Variants in RAD51B observed in about 807,000 individuals in gnomAD.
The protein encoded by RAD51B is DNA repair protein RAD51 homolog 2.
In RAD51B, 38 loss-of-function variants were observed where a neutral mutation model predicts 42.2. That is an observed-to-expected ratio of 0.90 (90% CI 0.70 to 1.18). RAD51B has a LOEUF of 1.18. Among genes scored for constraint, RAD51B ranks in the 50% most tolerant of loss-of-function variants. The probability of loss-of-function intolerance (pLI) is 0.00; values close to 1 mark genes in which losing one functional copy is unlikely to be tolerated. For missense variants in RAD51B, 373 were observed against 400.7 expected (o/e 0.93, Z 0.59); for synonymous variants, 154 against 145.2 (o/e 1.06, Z -0.43).
At chr14:68,605,334 T>C (rs61987064) in intron 10 of RAD51B, among the ~76,000 whole-genome samples, 22,599 of 152,246 alleles carry the variant, frequency 0.15, 2,127 homozygotes, top group Non-Finnish European at 0.21. Flanking sequence ...AGCAAGGCCA[T>C]TTTTACTTTC....
Position 68,562,890 on chromosome 14 carries a change from C to T in RAD51B, c.1037-31595C>T, listed in dbSNP as rs1028440007. The T allele has an allele frequency of 1.0e-5, 10 of 985,314 alleles. No individual in the cohort carries two copies. In the African/African-American group the frequency reaches 1.2e-4, roughly 12 times the overall value. 61.0% of individuals were successfully genotyped at this position (985,314 alleles called of 1,614,324 possible). On this transcript the variant is annotated intron_variant, in intron 10 of 10. Coordinates refer to the RAD51B transcript ENST00000487270. ...AGAGGAACTCAGAAACCTCTGGGCA[C>T]CTTCTGGATGGAGCCCATTGCCTCC...
intron 9 of RAD51B, among the ~76,000 whole-genome samples, chr14:68,454,564 C>A (rs551759540): frequency 6.6e-6 from 1 of 152,294 alleles, no homozygotes; most frequent in African/African-American, 2.4e-5. Context: ...TGAAAGCCAG[C>A]ATGGTAGCAG....
At chr14:68,272,587 T>TA (rs1396869284) in intron 7 of RAD51B, among the ~76,000 whole-genome samples, 2 of 133,556 alleles carry the variant, frequency 1.5e-5, no homozygotes, top group Non-Finnish European at 3.1e-5. Context: ...GTTTTCTGTA[T>TA]AAAAAATTGA....
intron 7 of RAD51B, among the ~76,000 whole-genome samples, chr14:68,229,062 G>T (rs1226590448): frequency 6.6e-6 from 1 of 152,104 alleles, no homozygotes; most frequent in Admixed American, 6.5e-5. Context: ...CAGTATTCGT[G>T]GAACAGCTGA....
At chr14:68,403,035 T>C (rs1234297759) in intron 8 of RAD51B, among the ~76,000 whole-genome samples, 2 of 152,208 alleles carry the variant, frequency 1.3e-5, no homozygotes, top group Non-Finnish European at 2.9e-5. Context: ...ATGCATTACA[T>C]GGAATGTGCT....
chr14:68,546,448 T>TAAG (rs1399737728), intron 10 of RAD51B, among the ~76,000 whole-genome samples: 1 of 151,984 alleles, frequency 6.6e-6, no homozygotes, highest in Non-Finnish European at 1.5e-5. Flanking sequence ...TTATGGGAAG[T>TAAG]AAGGGAGCAT....
intron 7 of RAD51B, among the ~76,000 whole-genome samples, chr14:68,157,156 C>A (rs889618830): frequency 9.2e-5 from 14 of 152,084 alleles, no homozygotes; most frequent in African/African-American, 3.4e-4. Flanking sequence ...ATGATTACAC[C>A]ACTGCACTCC....
chr14:67,845,159 A>G lies in RAD51B; in HGVS notation c.315+9963A>G, dbSNP rs2041568341. 2.0e-5 allele frequency among the ~76,000 whole-genome samples: 3 copies of G among 152,200 alleles called. No individual in the cohort carries two copies. In the South Asian group the frequency reaches 6.2e-4, roughly 31 times the overall value. ...ATTGTCATCATGTTGTTAGCCGGTT[A>G]TTATGCAGACTTGTTTGTGTTGTTG... On this transcript the variant is annotated intron_variant, in intron 4 of 10. Transcript: ENST00000471583.
In RAD51B at chr14:68,090,486, T is replaced by G. The variant is rs2077072736; in HGVS notation, c.757-201398T>G. Among the ~76,000 whole-genome samples, 3 of 152,078 alleles carry G rather than the reference T, an allele frequency of 2.0e-5. No individual in the cohort carries two copies. The South Asian group carries it at 6.2e-4, about 32-fold the overall frequency. ...GACTGTATGAGACTTAGGGCCTTGG[T>G]TTGTAGAGAATATTCAGTTATTTAA... is the stretch of plus-strand genomic sequence containing the variant. On this transcript the variant is annotated intron_variant, in intron 7 of 10. Transcript: ENST00000471583.
At chr14:68,517,060 T>C (rs149634197) in intron 10 of RAD51B, among the ~76,000 whole-genome samples, 42 of 152,328 alleles carry the variant, frequency 2.8e-4, no homozygotes, top group African/African-American at 8.4e-4. Context: ...GGTTATTTGG[T>C]CCTTTTGAGT....
chr14:68,563,006 C>T lies in RAD51B; in HGVS notation c.1037-31479C>T, dbSNP rs138829492. 6.9e-5 allele frequency: 68 copies of T among 985,424 alleles called. No homozygotes were observed. The African/African-American group carries it at 1.1e-3, about 16-fold the overall frequency. The allele number at this position is 985,424 out of a possible 1,614,324, so 61.0% of individuals were successfully genotyped here. ...CTGCTGCCGGTCCCTCCAGAGTTCA[C>T]GGCTGGGCATGATGAGACCAACCTC... On this transcript the variant is annotated intron_variant, in intron 10 of 10. Coordinates refer to the RAD51B transcript ENST00000487270.
intron 9 of RAD51B, chr14:68,422,290 C>T (rs1005477207): frequency 1.7e-5 from 11 of 662,070 alleles, no homozygotes; most frequent in African/African-American, 9.1e-5. Flanking sequence ...AGGTTGGGTG[C>T]GGCAGCTCAC....
At chr14:68,354,219 T>G (rs1457454781) in intron 8 of RAD51B, among the ~76,000 whole-genome samples, 8 of 142,928 alleles carry the variant, frequency 5.6e-5, no homozygotes, top group South Asian at 4.3e-4. Context: ...TTTTTTGGTT[T>G]TTTTTTTTTT....
intron 7 of RAD51B, among the ~76,000 whole-genome samples, chr14:68,285,051 C>G (rs1046746522): frequency 6.6e-6 from 1 of 152,152 alleles, no homozygotes; most frequent in Non-Finnish European, 1.5e-5. Flanking sequence ...CCTCCAGCTC[C>G]TACCACAGCA....
At chr14:68,282,875 G>T (rs2081346026) in intron 7 of RAD51B, among the ~76,000 whole-genome samples, 1 of 152,064 alleles carries the variant, frequency 6.6e-6, no homozygotes, top group Non-Finnish European at 1.5e-5. Context: ...ACTCTCCACT[G>T]GAGGTTTCTC....
intron 7 of RAD51B, among the ~76,000 whole-genome samples, chr14:68,242,940 A>T (rs576364384): frequency 1.3e-5 from 2 of 152,282 alleles, no homozygotes; most frequent in South Asian, 4.1e-4. Flanking sequence ...ACCCTAAAGG[A>T]GCTGATGCTA....
At chr14:67,882,310 C>T (rs931110112) in intron 5 of RAD51B, among the ~76,000 whole-genome samples, 5 of 152,150 alleles carry the variant, frequency 3.3e-5, no homozygotes, top group Non-Finnish European at 5.9e-5. Flanking sequence ...TTCTTTTACA[C>T]CTACCTTCTT....
intron 8 of RAD51B, among the ~76,000 whole-genome samples, chr14:68,346,342 T>G (rs1460574315): frequency 2.0e-5 from 3 of 152,204 alleles, no homozygotes; most frequent in Non-Finnish European, 4.4e-5. Context: ...TACTGTTGTT[T>G]TTAAGCAAAA....
chr14:68,189,928 A>C (rs980032752), intron 7 of RAD51B, among the ~76,000 whole-genome samples: 3 of 152,112 alleles, frequency 2.0e-5, no homozygotes, highest in Non-Finnish European at 1.5e-5. Flanking sequence ...AGCCTCCCAA[A>C]GTGCTGGGAT....
Sources: allele counts gnomAD v4.1 joint callset (sites outside exome capture counted in the v4.1 genomes callset), GRCh38; gene constraint gnomAD v4.1.1; transcripts MANE v1.5; gene names NCBI Gene and HGNC (gene_info 2026-07-23, HGNC 2026-07-21).